UNC5C: variants seen among roughly 807,000 people sequenced by gnomAD.
The protein encoded by UNC5C is unc-5 netrin receptor C.
A neutral mutation model predicts 99.8 loss-of-function variants in UNC5C; 47 were observed. The observed-to-expected ratio is 0.47, with a 90% CI of 0.37 to 0.60. The LOEUF is 0.60. Among genes scored for constraint, UNC5C ranks in the 20% least tolerant of loss-of-function variants. The pLI, the probability that UNC5C is intolerant of heterozygous loss-of-function variation, is 0.00. For synonymous variants in UNC5C, 487 were observed against 452.2 expected, an observed-to-expected ratio of 1.08 and a Z score of -0.98; for missense variants, 1,062 against 1,165.9, an observed-to-expected ratio of 0.91 and a Z score of 1.30.
intron 3 of UNC5C, among the ~76,000 whole-genome samples, chr4:95,296,037 G>A (rs558369615): frequency 8.5e-5 from 13 of 152,288 alleles, no homozygotes; most frequent in African/African-American, 2.6e-4. Context: ...GCAATGAGCC[G>A]AGATTGTGCT....
intron 1 of UNC5C, among the ~76,000 whole-genome samples, chr4:95,454,081 G>A (rs193300392): frequency 6.6e-6 from 1 of 152,050 alleles, no homozygotes; most frequent in African/African-American, 2.4e-5. Context: ...AACTAGATGG[G>A]GTGGTAGTTG....
intron 1 of UNC5C, among the ~76,000 whole-genome samples, chr4:95,431,438 C>G (rs537512760): frequency 6.6e-6 from 1 of 152,120 alleles, no homozygotes; most frequent in East Asian, 1.9e-4. Flanking sequence ...TGTATTCTAA[C>G]TTCAGAAACA....
At chr4:95,211,559 T>C (rs1738075003) in intron 10 of UNC5C, among the ~76,000 whole-genome samples, 1 of 152,210 alleles carries the variant, frequency 6.6e-6, no homozygotes, top group Non-Finnish European at 1.5e-5. Flanking sequence ...GGAAAAATAA[T>C]TGGGTTTCTT....
At chr4:95,372,339 G>T (rs1744772379) in intron 1 of UNC5C, among the ~76,000 whole-genome samples, 1 of 152,138 alleles carries the variant, frequency 6.6e-6, no homozygotes, top group Non-Finnish European at 1.5e-5. Context: ...ACATTTAGAA[G>T]AACAGCTGCT....
intron 1 of UNC5C, among the ~76,000 whole-genome samples, chr4:95,515,251 A>G (rs957722782): frequency 1.3e-5 from 2 of 152,194 alleles, no homozygotes; most frequent in African/African-American, 4.8e-5. Flanking sequence ...TCTTAATTAT[A>G]GTACATGCTG....
At chr4:95,274,656 T>G (rs906213565) in intron 4 of UNC5C, among the ~76,000 whole-genome samples, 2 of 152,088 alleles carry the variant, frequency 1.3e-5, no homozygotes, top group African/African-American at 4.8e-5. Flanking sequence ...CTAAATTTCC[T>G]CTTTGGGAGA....
chr4:95,182,979 G>A lies in UNC5C; in HGVS notation c.2369C>T (p.Thr790Ile). The A allele has an allele frequency of 1.2e-6, 2 of 1,613,888 alleles. No homozygotes were observed. The highest frequency in any genetic ancestry group is 1.7e-6 in the Non-Finnish European group (2 of 1,179,814). ...ACAGAGTTTGCAAACCAGCTCCACT[G>A]TGTTCAGGCTAAATCTTTCCAGAGT... is the stretch of plus-strand genomic sequence containing the variant. ...TFTLERFSLN[T>I]VELVCKLCVR... The change falls in exon 14 of 16, where the codon ACA becomes ATA. Residue 790 changes from threonine to isoleucine, a missense_variant. By Grantham distance (89) the Thr-to-Ile change is moderately conservative. Coordinates refer to ENST00000453304, the MANE Select transcript of UNC5C (RefSeq NM_003728.4).
chr4:95,190,888 G>A (rs1405492633), intron 12 of UNC5C, among the ~76,000 whole-genome samples: 1 of 152,156 alleles, frequency 6.6e-6, no homozygotes, highest in Non-Finnish European at 1.5e-5. Context: ...AGCCTGTGAG[G>A]GATTGCTCCA....
chr4:95,204,517 T>C (rs190424724), intron 11 of UNC5C, among the ~76,000 whole-genome samples: 1 of 152,372 alleles, frequency 6.6e-6, no homozygotes, highest in East Asian at 1.9e-4. Context: ...AGGCCAAGTA[T>C]GGACAAAGCC....
At chr4:95,502,028 T>C (rs1051478286) in intron 1 of UNC5C, among the ~76,000 whole-genome samples, 28 of 152,192 alleles carry the variant, frequency 1.8e-4, no homozygotes, top group South Asian at 2.1e-4. Flanking sequence ...ACCACTGTTT[T>C]ATTTCTTCTA....
intron 1 of UNC5C, among the ~76,000 whole-genome samples, chr4:95,442,437 G>A (rs1282544495): frequency 6.7e-6 from 1 of 148,214 alleles, no homozygotes; most frequent in African/African-American, 2.5e-5. Context: ...TAAGTTCCTG[G>A]TCTCAAGCGA....
rs1404756468 is a variant in UNC5C, at chr4:95,168,604, A to C, written c.*630T>G. 1.3e-5 allele frequency: 2 copies of C among 152,584 alleles called. No homozygotes were observed. The highest frequency in any genetic ancestry group is 2.9e-5 in the Non-Finnish European group (2 of 68,038). The allele number at this position is 152,584 out of a possible 1,614,324, so 9.5% of individuals were successfully genotyped here. A position where few individuals can be genotyped will look rare whatever the true frequency, so the allele number is the denominator to read the frequency against. ...CCTCCAAGGAATAGGAGTCTTAGTT[A>C]TTTCTTTTTTACACTTAGATTCTCC... On this transcript the variant is annotated 3_prime_UTR_variant, in exon 16 of 16. Coordinates refer to ENST00000453304, the MANE Select transcript of UNC5C (RefSeq NM_003728.4).
intron 4 of UNC5C, among the ~76,000 whole-genome samples, chr4:95,276,300 A>T (rs1427943549): frequency 1.3e-5 from 2 of 152,198 alleles, no homozygotes; most frequent in Non-Finnish European, 2.9e-5. Flanking sequence ...AAAGAAATGC[A>T]TATTAAATAT....
chr4:95,400,893 T>G lies in UNC5C; in HGVS notation c.125-65262A>C, dbSNP rs148362356. Among the ~76,000 whole-genome samples the G allele has an allele frequency of 5.7e-3, 871 of 152,336 alleles. 12 individuals carry two copies. Among genetic ancestry groups the G allele is most frequent in the African/African-American group, 0.019 (804 of 41,566 alleles). ...GAGATAATAAATGGATGTTTTCAGC[T>G]GCTAATTTTGTGGTAAATATTACAG... On this transcript the variant is annotated intron_variant, in intron 1 of 15. Coordinates refer to ENST00000453304, the MANE Select transcript of UNC5C (RefSeq NM_003728.4).
chr4:95,486,202 T>C (rs1424639475), intron 1 of UNC5C, among the ~76,000 whole-genome samples: 1 of 151,552 alleles, frequency 6.6e-6, no homozygotes, highest in Non-Finnish European at 1.5e-5. Context: ...GAAATTATTA[T>C]TATATTAATC....
intron 1 of UNC5C, among the ~76,000 whole-genome samples, chr4:95,499,133 C>T (rs1345626288): frequency 1.3e-5 from 2 of 152,038 alleles, no homozygotes; most frequent in African/African-American, 4.8e-5. Context: ...GGACAGCTAT[C>T]ATTCATTATG....
chr4:95,299,480 C>CA (rs1387257017), intron 3 of UNC5C, among the ~76,000 whole-genome samples: 6 of 152,136 alleles, frequency 3.9e-5, no homozygotes, highest in Admixed American at 2.6e-4. Context: ...TTGCCTATCT[C>CA]ACATGTCACT....
intron 1 of UNC5C, among the ~76,000 whole-genome samples, chr4:95,339,845 C>T (rs543261042): frequency 5.9e-5 from 9 of 151,964 alleles, no homozygotes; most frequent in African/African-American, 2.2e-4. Context: ...TCCAGAGTTG[C>T]TTTTGTTCTG....
chr4:95,404,605 G>T (rs1365129777), intron 1 of UNC5C, among the ~76,000 whole-genome samples: 1 of 152,122 alleles, frequency 6.6e-6, no homozygotes, highest in Admixed American at 6.5e-5. Flanking sequence ...TCATCTTAAT[G>T]ATCTCTAAGA....
Sources: gnomAD v4.1 joint callset for allele counts (sites outside exome capture counted in the v4.1 genomes callset) on GRCh38, gnomAD v4.1.1 for gene constraint, MANE v1.5 for transcripts, NCBI Gene and HGNC (gene_info 2026-07-23, HGNC 2026-07-21) for gene names.